The following NBAS variants were observed in gnomAD, a reference collection of about 807,000 sequenced individuals.
NBAS encodes the protein NAG/BC035112 fusion.
A neutral mutation model predicts 302.5 loss-of-function variants in NBAS; 219 were observed. The observed-to-expected ratio is 0.72, with a 90% CI of 0.65 to 0.81. The LOEUF is 0.81. NBAS is among the 30% of genes least tolerant of loss of function. The pLI, the probability that NBAS is intolerant of heterozygous loss-of-function variation, is 0.00. For synonymous variants in NBAS, 1,118 were observed against 1,021.6 expected, an observed-to-expected ratio of 1.09 and a Z score of -1.80; for missense variants, 2,932 against 2,841.6, an observed-to-expected ratio of 1.03 and a Z score of -0.72.
At chr2:14,800,720 T>C in the NBAS span, among the ~76,000 whole-genome samples, 1 of 151,900 alleles carries the variant, frequency 6.6e-6, no homozygotes, top group South Asian at 2.1e-4. Flanking sequence ...CTACATATTT[T>C]ATAAAGTCCA....
the NBAS span, among the ~76,000 whole-genome samples, chr2:14,893,775 C>T: frequency 2.0e-5 from 3 of 152,190 alleles, no homozygotes; most frequent in African/African-American, 7.2e-5. Context: ...TTAATTGCTA[C>T]ATTTCTTCCA....
chr2:14,930,694 C>T, the NBAS span, among the ~76,000 whole-genome samples: 256 of 152,230 alleles, frequency 1.7e-3, no homozygotes, highest in East Asian at 3.5e-3. Flanking sequence ...TCTATGTTAT[C>T]GGCATAGGAC....
At chr2:15,495,964 T>C (rs1681051544) in intron 11 of NBAS, among the ~76,000 whole-genome samples, 2 of 152,052 alleles carry the variant, frequency 1.3e-5, no homozygotes, top group South Asian at 2.1e-4. Flanking sequence ...CAAAAGAACT[T>C]GCACACAAAT....
chr2:15,150,308 A>G, the NBAS span, among the ~76,000 whole-genome samples: 3 of 152,204 alleles, frequency 2.0e-5, no homozygotes, highest in Admixed American at 2.0e-4. Context: ...TAAAATTGCT[A>G]ACCTAACATC....
intron 40 of NBAS, among the ~76,000 whole-genome samples, chr2:15,298,395 G>A (rs1010853466): frequency 2.0e-5 from 3 of 152,086 alleles, no homozygotes; most frequent in African/African-American, 7.2e-5. Context: ...ATTACTTACA[G>A]GGGAAAAACA....
In NBAS at chr2:15,211,969, A is replaced by G. The variant is rs183283925; in HGVS notation, c.6432+6804T>C. Among the ~76,000 whole-genome samples, 17 of 152,308 alleles carry G rather than the reference A, an allele frequency of 1.1e-4. No individual in the cohort carries two copies. In the South Asian group the frequency reaches 2.5e-3, roughly 22 times the overall value. On this transcript the variant is annotated intron_variant, in intron 48 of 51. Transcript: ENST00000281513. ...ACATACTAATGACTTCCCTGAAATT[A>G]GTGTCATTTGCCACAAAACTGGATT...
chr2:14,862,773 A>C, the NBAS span, among the ~76,000 whole-genome samples: 3 of 152,200 alleles, frequency 2.0e-5, no homozygotes, highest in Non-Finnish European at 4.4e-5. Flanking sequence ...CCGAATTCTA[A>C]GTGGCTTAAG....
intron 48 of NBAS, among the ~76,000 whole-genome samples, chr2:15,202,520 GTTTATTTATTTATTTA>G (rs57260326): frequency 6.7e-6 from 1 of 149,802 alleles, no homozygotes; most frequent in South Asian, 2.1e-4. Context: ...GTGTTTGTTT[GTTTATTTATTTATTTA>G]TTTATTTATT....
chr2:14,954,925 T>C, the NBAS span, among the ~76,000 whole-genome samples: 1 of 152,200 alleles, frequency 6.6e-6, no homozygotes, highest in African/African-American at 2.4e-5. Context: ...CCAAATCTTA[T>C]GTCCTCACAT....
chr2:15,203,925 T>TGA (rs1553340975), intron 48 of NBAS, among the ~76,000 whole-genome samples: 17 of 148,722 alleles, frequency 1.1e-4, no homozygotes, highest in African/African-American at 3.5e-4. Flanking sequence ...TGTGTGTGTG[T>TGA]GAGTGGGGAG....
the NBAS span, among the ~76,000 whole-genome samples, chr2:15,065,468 G>A: frequency 6.6e-6 from 1 of 152,008 alleles, no homozygotes; most frequent in African/African-American, 2.4e-5. Flanking sequence ...TTATCTGTCT[G>A]GAGATGACAT....
the NBAS span, among the ~76,000 whole-genome samples, chr2:15,048,531 C>G: frequency 6.6e-6 from 1 of 152,232 alleles, no homozygotes; most frequent in Non-Finnish European, 1.5e-5. Flanking sequence ...TCTTCTCACG[C>G]TGAGAACCAC....
chr2:14,809,687 C>G, the NBAS span, among the ~76,000 whole-genome samples: 374 of 152,304 alleles, frequency 2.5e-3, no homozygotes, highest in African/African-American at 8.2e-3. Flanking sequence ...TTCTACTTGG[C>G]TACCACCTGG....
At chr2:14,849,582 C>T in the NBAS span, among the ~76,000 whole-genome samples, 1 of 149,076 alleles carries the variant, frequency 6.7e-6, no homozygotes, top group Non-Finnish European at 1.5e-5. Context: ...ACAGAGAATG[C>T]CACAAAGATA....
the NBAS span, among the ~76,000 whole-genome samples, chr2:15,092,851 C>T: frequency 6.6e-6 from 1 of 152,188 alleles, no homozygotes; most frequent in Non-Finnish European, 1.5e-5. Flanking sequence ...GAGGTCTAAT[C>T]CCCTTTCAGA....
chr2:14,821,128 G>A, the NBAS span, among the ~76,000 whole-genome samples: 72 of 152,076 alleles, frequency 4.7e-4, no homozygotes, highest in African/African-American at 1.7e-3. Flanking sequence ...GGGTTTCACC[G>A]TATTAGCCAG....
chr2:15,533,677 T>TGC (rs1326917180), intron 9 of NBAS, among the ~76,000 whole-genome samples: 2 of 108,210 alleles, frequency 1.8e-5, no homozygotes, highest in Admixed American at 1.0e-4. Context: ...TCGGGGGGTG[T>TGC]GCGTGTGTGT....
At chr2:15,404,117 C>T (rs917867419) in intron 25 of NBAS, among the ~76,000 whole-genome samples, 2 of 152,002 alleles carry the variant, frequency 1.3e-5, no homozygotes, top group African/African-American at 4.8e-5. Context: ...TCATAACAAT[C>T]CTATAAAATT....
At chr2:15,267,791 C>A (rs1311576399) in intron 44 of NBAS, among the ~76,000 whole-genome samples, 1 of 152,084 alleles carries the variant, frequency 6.6e-6, no homozygotes, top group Non-Finnish European at 1.5e-5. Context: ...AGTGTTATAT[C>A]TTGAATAAAG....
Sources: allele counts gnomAD v4.1 joint callset (sites outside exome capture counted in the v4.1 genomes callset), GRCh38; gene constraint gnomAD v4.1.1; transcripts MANE v1.5; gene names NCBI Gene and HGNC (gene_info 2026-07-23, HGNC 2026-07-21).